The following JAM3 variants were observed in gnomAD, a reference collection of about 807,000 sequenced individuals.
JAM3 encodes junctional adhesion molecule C.
In JAM3, 31 loss-of-function variants were observed where a neutral mutation model predicts 39.4. The ratio of observed to expected loss-of-function variants is 0.79; its 90% CI spans 0.59 to 1.06. The LOEUF (loss-of-function observed/expected upper bound fraction) is 1.06, where lower values mean the gene tolerates loss of function less well. Among genes scored for constraint, JAM3 ranks in the 50% least tolerant of loss-of-function variants. The pLI is 0.00. For missense variants in JAM3, 455 were observed against 391.4 expected (o/e 1.16, Z -1.37); for synonymous variants, 182 against 148.7 (o/e 1.22, Z -1.63).
chr11:134,099,346 A>G (rs1178682032), intron 1 of JAM3, among the ~76,000 whole-genome samples: 2 of 152,182 alleles, frequency 1.3e-5, no homozygotes, highest in African/African-American at 2.4e-5. Flanking sequence ...AGTTGTCCCA[A>G]CAAGTTGGGT....
chr11:134,145,333 C>A (rs770688770), intron 5 of JAM3: 1 of 423,504 alleles, frequency 2.4e-6, no homozygotes, highest in African/African-American at 2.0e-5. Context: ...ATCTATTAAG[C>A]AACTGTTCAT....
chr11:134,089,650 A>G (rs1006913037), intron 1 of JAM3, among the ~76,000 whole-genome samples: 2 of 152,148 alleles, frequency 1.3e-5, no homozygotes, highest in African/African-American at 4.8e-5. Flanking sequence ...ATCATTTTTT[A>G]TGGCTGCATA....
intron 1 of JAM3, among the ~76,000 whole-genome samples, chr11:134,132,558 GA>G (rs1168652283): frequency 1.3e-5 from 2 of 152,202 alleles, no homozygotes; most frequent in East Asian, 3.8e-4. Flanking sequence ...GATTTTTGAA[GA>G]AATTATAACA....
chr11:134,143,710 T>A (rs867678875), intron 3 of JAM3, among the ~76,000 whole-genome samples: 1 of 152,252 alleles, frequency 6.6e-6, no homozygotes, highest in Non-Finnish European at 1.5e-5. Context: ...TAGTGTGTGC[T>A]TGTGCTTTTG....
intron 1 of JAM3, among the ~76,000 whole-genome samples, chr11:134,114,847 T>C (rs945227643): frequency 2.6e-5 from 4 of 152,234 alleles, no homozygotes; most frequent in African/African-American, 9.6e-5. Flanking sequence ...GTTCTATAAA[T>C]GTGAAGTAGG....
At chr11:134,102,505 C>G (rs1942094667) in intron 1 of JAM3, among the ~76,000 whole-genome samples, 2 of 152,302 alleles carry the variant, frequency 1.3e-5, no homozygotes, top group East Asian at 3.9e-4. Context: ...CGGAACAAAG[C>G]TGGACACAGA....
chr11:134,104,153 A>C (rs1469585041), intron 1 of JAM3, among the ~76,000 whole-genome samples: 1 of 152,204 alleles, frequency 6.6e-6, no homozygotes, highest in Non-Finnish European at 1.5e-5. Flanking sequence ...ATTATAACAA[A>C]CTTGTCTCAG....
intron 1 of JAM3, among the ~76,000 whole-genome samples, chr11:134,071,701 G>GA (rs1239660428): frequency 1.3e-5 from 2 of 151,972 alleles, no homozygotes; most frequent in Non-Finnish European, 2.9e-5. Context: ...GGAAATTTTT[G>GA]AAAAAATGTT....
rs112450543 is a variant in JAM3, at chr11:134,138,469, C to G, written c.77-1382C>G. On this transcript the variant is annotated intron_variant, in intron 1 of 8. Coordinates refer to ENST00000299106, the MANE Select transcript of JAM3 (RefSeq NM_032801.5). ...TCCCTTAGAGCCAGTGGTGGTGTCTCGTCGAAGTCGTGGTGCTCATGCTGA... is the reference window on the plus strand; with the variant it reads ...TCCCTTAGAGCCAGTGGTGGTGTCTGGTCGAAGTCGTGGTGCTCATGCTGA... Among the ~76,000 whole-genome samples, 22 of 147,804 alleles carry G rather than the reference C, an allele frequency of 1.5e-4. No individual in the cohort carries two copies. The South Asian group carries it at 2.8e-3, about 19-fold the overall frequency.
rs1943177534 is a variant in JAM3 at position 134,150,307 on chromosome 11, CTGAGA to C, written c.*1130_*1134del. 6.6e-6 allele frequency: 1 copy of C among 152,338 alleles called. No individual in the cohort carries two copies. Among genetic ancestry groups the C allele is most frequent in the Non-Finnish European group, 1.5e-5 (1 of 68,120 alleles). 9.4% of individuals were successfully genotyped at this position (152,338 alleles called of 1,614,324 possible). ...CAGGTTAGCTTTGAACTGCCTCTTCCTGAGATGACTAGGACAGTCTGTACCCAGAG... is the reference window on the plus strand; with the variant it reads ...CAGGTTAGCTTTGAACTGCCTCTTCCTGACTAGGACAGTCTGTACCCAGAG... On this transcript the variant is annotated 3_prime_UTR_variant, in exon 9 of 9. Transcript: ENST00000299106.
At chr11:134,134,862 G>A (rs543950697) in intron 1 of JAM3, among the ~76,000 whole-genome samples, 13 of 152,090 alleles carry the variant, frequency 8.5e-5, no homozygotes, top group East Asian at 5.8e-4. Context: ...TTTTTTGGTC[G>A]GTGAGTTGTA....
At chr11:134,123,750 C>T in intron 1 of JAM3, 4 of 636,410 alleles carry the variant, frequency 6.3e-6, no homozygotes, top group Middle Eastern at 4.7e-4. Context: ...GGTAAGATTC[C>T]AGATTCACAT....
At chr11:134,136,482 G>T in intron 1 of JAM3, among the ~76,000 whole-genome samples, 1 of 152,236 alleles carries the variant, frequency 6.6e-6, no homozygotes. Flanking sequence ...GTGGCACCTT[G>T]GTCTGTTGGG....
At chr11:134,095,095 A>G (rs1941953288) in intron 1 of JAM3, among the ~76,000 whole-genome samples, 1 of 152,210 alleles carries the variant, frequency 6.6e-6, no homozygotes, top group East Asian at 1.9e-4. Context: ...TCAGTAATGA[A>G]TCTTAGAAAA....
rs139822951 is a variant in JAM3, at chr11:134,149,122, TCTAA to T, written c.898-21_898-18del. ...GCTTGCCACCAGGCCCCTTGATGGC[TCTAA>T]CTGTGTGTTGGCTTTGCAGGGCGAC... is the stretch of plus-strand genomic sequence containing the variant. On this transcript the variant is annotated intron_variant, in intron 8 of 8. Coordinates refer to ENST00000299106, the MANE Select transcript of JAM3 (RefSeq NM_032801.5). The T allele has an allele frequency of 0.017, 26,744 of 1,613,880 alleles. 260 individuals are homozygous for T. Among genetic ancestry groups the T allele is most frequent in the Middle Eastern group, 0.026 (157 of 6,056 alleles).
At position 134,150,766 on chromosome 11, in the gene JAM3, C is replaced by T. The variant is rs1483325726; in HGVS notation, c.*1585C>T. Reference sequence around the variant, plus strand: ...AAATGGATCCCACTGTTCCTCTTTGCCACAGAGAAAGCACCCAGACGCCAC... The same window carrying T: ...AAATGGATCCCACTGTTCCTCTTTGTCACAGAGAAAGCACCCAGACGCCAC... On this transcript the variant is annotated 3_prime_UTR_variant, in exon 9 of 9. Coordinates refer to ENST00000299106, the MANE Select transcript of JAM3 (RefSeq NM_032801.5). 1 of 152,076 alleles carries T rather than the reference C, an allele frequency of 6.6e-6. No homozygotes were observed. Among genetic ancestry groups the T allele is most frequent in the African/African-American group, 2.4e-5 (1 of 41,394 alleles). 9.4% of individuals were successfully genotyped at this position (152,076 alleles called of 1,614,324 possible). A position where few individuals can be genotyped will look rare whatever the true frequency, so the allele number is the denominator to read the frequency against.
At chr11:134,116,544 T>C (rs1383763670) in intron 1 of JAM3, among the ~76,000 whole-genome samples, 2 of 152,204 alleles carry the variant, frequency 1.3e-5, no homozygotes, top group African/African-American at 4.8e-5. Context: ...GGCTGGGATT[T>C]TTTGTCGTTG....
chr11:134,114,591 T>C (rs1035106780), intron 1 of JAM3, among the ~76,000 whole-genome samples: 10 of 152,200 alleles, frequency 6.6e-5, no homozygotes, highest in Non-Finnish European at 1.2e-4. Context: ...TTAATTTCCC[T>C]TTTGATTCTT....
intron 1 of JAM3, among the ~76,000 whole-genome samples, chr11:134,088,146 CT>C (rs1206942618): frequency 1.3e-5 from 2 of 152,192 alleles, no homozygotes; most frequent in African/African-American, 2.4e-5. Context: ...TAGAACTCAA[CT>C]TTATTAATAT....
Sources: allele counts gnomAD v4.1 joint callset (sites outside exome capture counted in the v4.1 genomes callset), GRCh38; gene constraint gnomAD v4.1.1; transcripts MANE v1.5; gene names NCBI Gene and HGNC (gene_info 2026-07-23, HGNC 2026-07-21).